The following MDM1 variants were observed in gnomAD, a reference collection of about 807,000 sequenced individuals.
MDM1 encodes the protein Mdm1 nuclear protein.
MDM1 carries 61 observed loss-of-function variants against 89.1 expected under a neutral mutation model. The ratio of observed to expected loss-of-function variants is 0.68; its 90% CI spans 0.56 to 0.85. The LOEUF (loss-of-function observed/expected upper bound fraction) is 0.85, where lower values mean the gene tolerates loss of function less well. MDM1 is among the 40% of genes least tolerant of loss of function. MDM1 has a pLI of 0.00. For missense variants in MDM1, 820 were observed against 846.5 expected, an observed-to-expected ratio of 0.97 and a Z score of 0.39; for synonymous variants, 290 against 294.1, an observed-to-expected ratio of 0.99 and a Z score of 0.14.
intron 1 of MDM1, among the ~76,000 whole-genome samples, chr12:68,331,826 T>C (rs986690506): frequency 2.6e-5 from 4 of 152,200 alleles, no homozygotes; most frequent in Non-Finnish European, 4.4e-5. Context: ...TAAGAACCCA[T>C]TTCTCAAGCC....
chr12:68,318,220 G>A (rs959299833), intron 7 of MDM1, among the ~76,000 whole-genome samples: 5 of 152,194 alleles, frequency 3.3e-5, no homozygotes, highest in African/African-American at 1.2e-4. Context: ...GTAAGTTGAA[G>A]GAGTAGTTCA....
At chr12:68,297,075 T>C in intron 13 of MDM1, 93 bp from the exon 14 acceptor site, 1 of 763,314 alleles carries the variant, frequency 1.3e-6, no homozygotes, top group Non-Finnish European at 1.9e-6. Flanking sequence ...AAGTAGGCTG[T>C]CAGAAATTTT....
intron 13 of MDM1, among the ~76,000 whole-genome samples, chr12:68,301,805 C>T (rs1052653931): frequency 5.9e-5 from 9 of 151,886 alleles, no homozygotes; most frequent in African/African-American, 2.2e-4. Flanking sequence ...CCTCAGCCTC[C>T]CAAGTAGCTG....
Position 68,323,076 on chromosome 12 carries a change from CCTTTCAGGAGACACT to C in MDM1, c.783_797del (p.Val262_Arg266del), listed in dbSNP as rs1244608731. ...AAGGTTAAAAGTTGATGAATACCTTCCTTTCAGGAGACACTGTTTCAAGATTTCTGTTTTCTCTCA... is the reference window on the plus strand; with the variant it reads ...AAGGTTAAAAGTTGATGAATACCTTCGTTTCAAGATTTCTGTTTTCTCTCA... On this transcript the variant is annotated inframe_deletion, in exon 5 of 15. Transcript: ENST00000682720. The C allele has an allele frequency of 1.1e-5, 18 of 1,598,718 alleles. No individual in the cohort carries two copies. The highest frequency in any genetic ancestry group is 1.4e-5 in the Non-Finnish European group (16 of 1,175,536).
At position 68,315,055 on chromosome 12, in the gene MDM1, G is replaced by A. The variant is rs148602159; in HGVS notation, c.1422C>T (p.Asp474=). Residue 474 remains aspartate (D), a synonymous_variant, in exon 10 of 15, where the codon GAC becomes GAT. Transcript: ENST00000682720. The part of the protein sequence containing the change: ...QKQPGEKEEE[D]DNEEEGDRKT... ...TCCTGTCCCCTTCCTCTTCATTGTC[G>A]TCCTCCTCCTCTTTCTCCCCGGGCT... The A allele has an allele frequency of 6.4e-5, 103 of 1,613,466 alleles. 1 individual carries two copies. The East Asian group carries it at 1.0e-3, about 16-fold the overall frequency.
intron 13 of MDM1, among the ~76,000 whole-genome samples, chr12:68,301,366 A>T (rs1872130979): frequency 6.6e-6 from 1 of 152,196 alleles, no homozygotes; most frequent in African/African-American, 2.4e-5. Flanking sequence ...GGTATGAAAA[A>T]TCAAATACTG....
In MDM1 at chr12:68,321,081, T is replaced by C. The variant is rs115124886; in HGVS notation, c.1005+266A>G. On this transcript the variant is annotated intron_variant, in intron 7 of 14. Transcript: ENST00000682720. ...ATCTATAATGATACAATTCTATAAA[T>C]TGACTATTAACACAATCAAATGTTT... 2,190 of 323,068 alleles carry C rather than the reference T, an allele frequency of 6.8e-3. 48 individuals are homozygous for C. The highest frequency in any genetic ancestry group is 0.043 in the African/African-American group (2,038 of 47,028). The allele number at this position is 323,068 out of a possible 1,614,324, so 20.0% of individuals were successfully genotyped here.
chr12:68,324,854 A>T (rs181272363), intron 4 of MDM1, among the ~76,000 whole-genome samples: 5 of 152,206 alleles, frequency 3.3e-5, no homozygotes, highest in Non-Finnish European at 5.9e-5. Flanking sequence ...CAGACTATCT[A>T]TTAGTAATGG....
At chr12:68,332,103 T>G (rs1876918126) in intron 1 of MDM1, 125 bp downstream of exon 1, 2 of 1,374,252 alleles carry the variant, frequency 1.5e-6, no homozygotes, top group Non-Finnish European at 2.0e-6. Flanking sequence ...GAGCAGGCCC[T>G]GGGGCTGGCA....
intron 14 of MDM1, 81 bp downstream of exon 14, chr12:68,296,842 T>TA: frequency 3.2e-6 from 3 of 926,570 alleles, no homozygotes; most frequent in Non-Finnish European, 4.7e-6. Flanking sequence ...TCATAAGCTA[T>TA]AAAGTGCTAA....
chr12:68,332,127 A>T, intron 1 of MDM1, 101 bp downstream of exon 1: 2 of 1,477,986 alleles, frequency 1.4e-6, no homozygotes, highest in Non-Finnish European at 1.8e-6. Flanking sequence ...TCCGCCGGGC[A>T]GAGGGCTGCA....
intron 14 of MDM1, among the ~76,000 whole-genome samples, chr12:68,296,326 C>T (rs1871379888): frequency 6.6e-6 from 1 of 152,094 alleles, no homozygotes; most frequent in Non-Finnish European, 1.5e-5. Flanking sequence ...GGTGAAACCC[C>T]ATCTCTACTA....
At chr12:68,322,152 G>C (rs1875315820) in intron 5 of MDM1, among the ~76,000 whole-genome samples, 1 of 151,968 alleles carries the variant, frequency 6.6e-6, no homozygotes, top group African/African-American at 2.4e-5. Flanking sequence ...AAAGTATCGG[G>C]TATCAACATT....
At chr12:68,327,454 T>C (rs1876173149) in intron 2 of MDM1, 1 of 1,535,884 alleles carries the variant, frequency 6.5e-7, no homozygotes, top group East Asian at 2.4e-5. Context: ...CAGACCAAGA[T>C]GAGAAGGGAT....
At chr12:68,326,519 A>T (rs770175842) in intron 3 of MDM1, 138 bp downstream of exon 3, 1 of 1,578,714 alleles carries the variant, frequency 6.3e-7, no homozygotes, top group African/African-American at 1.4e-5. Context: ...ACAGCCTGTT[A>T]TCAACTATTC....
chr12:68,331,356 A>G (rs1016638050), intron 1 of MDM1, 135 bp from the exon 2 acceptor site: 4 of 652,898 alleles, frequency 6.1e-6, no homozygotes, highest in Non-Finnish European at 1.1e-5. Flanking sequence ...GAGCTCCTTA[A>G]TAAGAGCTAA....
intron 7 of MDM1, among the ~76,000 whole-genome samples, chr12:68,319,386 T>C (rs1433725928): frequency 2.0e-5 from 3 of 152,170 alleles, no homozygotes; most frequent in African/African-American, 4.8e-5. Context: ...AGATGATATA[T>C]GGACTCGAAA....
chr12:68,309,908 A>C (rs2120905388), intron 12 of MDM1, among the ~76,000 whole-genome samples: 1 of 152,356 alleles, frequency 6.6e-6, no homozygotes, highest in Non-Finnish European at 1.5e-5. Flanking sequence ...TGGTCGCAGA[A>C]AATTCACATG....
intron 12 of MDM1, among the ~76,000 whole-genome samples, chr12:68,303,831 T>C (rs1025986467): frequency 6.6e-5 from 10 of 152,378 alleles, no homozygotes; most frequent in African/African-American, 2.2e-4. Context: ...TGGATGTCCC[T>C]GAACAGTACA....
Sources: allele counts gnomAD v4.1 joint callset (sites outside exome capture counted in the v4.1 genomes callset), GRCh38; gene constraint gnomAD v4.1.1; transcripts MANE v1.5; gene names NCBI Gene and HGNC (gene_info 2026-07-23, HGNC 2026-07-21).